The following CEP290 variants were observed in gnomAD, a reference collection of about 807,000 sequenced individuals.
The protein encoded by CEP290 is centrosomal protein of 290 kDa.
CEP290 carries 317 observed loss-of-function variants against 344.9 expected under a neutral mutation model. The ratio of observed to expected loss-of-function variants is 0.92; its 90% CI spans 0.84 to 1.01. The LOEUF is 1.01. Among genes scored for constraint, CEP290 ranks in the 50% least tolerant of loss-of-function variants. The pLI is 0.00. For synonymous variants in CEP290, 932 were observed against 895.8 expected (o/e 1.04, Z -0.72); for missense variants, 2,754 against 2,761.4 (o/e 1.00, Z 0.06).
rs1447876101 is a variant in CEP290 at position 88,090,711 on chromosome 12, G to A, written c.3573+17C>T. On this transcript the variant is annotated intron_variant, in intron 30 of 53. Coordinates refer to ENST00000552810, the MANE Select transcript of CEP290 (RefSeq NM_025114.4). ...AAAAAAGTGGATTCTATGTAGAAGA[G>A]CCAATACTGCACATACCTGATAGTC... 3 of 1,397,496 alleles carry A rather than the reference G, an allele frequency of 2.1e-6. No homozygotes were observed. Among genetic ancestry groups the A allele is most frequent in the South Asian group, 2.5e-5 (2 of 79,504 alleles). The allele number at this position is 1,397,496 out of a possible 1,614,324, so 86.6% of individuals were successfully genotyped here. A position where few individuals can be genotyped will look rare whatever the true frequency, so the allele number is the denominator to read the frequency against.
intron 18 of CEP290, 157 bp from the exon 19 acceptor site, chr12:88,115,339 A>T: frequency 2.9e-6 from 2 of 692,248 alleles, no homozygotes; most frequent in South Asian, 3.8e-5. Flanking sequence ...AATAAACTAA[A>T]ATCTAAACAG....
At chr12:88,060,095 TA>T in intron 47 of CEP290, 75 bp from the exon 48 acceptor site, 1 of 1,229,874 alleles carries the variant, frequency 8.1e-7, no homozygotes, top group Non-Finnish European at 1.1e-6. Context: ...TATAAACTCA[TA>T]AATCTTCAAA....
chr12:88,079,395 ATAAATCTTTTG>A (rs2036025273), intron 38 of CEP290, among the ~76,000 whole-genome samples, 166 bp from the exon 39 acceptor site: 1 of 152,190 alleles, frequency 6.6e-6, no homozygotes, highest in African/African-American at 2.4e-5. Context: ...ACTTTTTCAA[ATAAATCTTTTG>A]TAATTACACT....
At chr12:88,098,681 C>T (rs2037646042) in intron 26 of CEP290, among the ~76,000 whole-genome samples, 1 of 151,664 alleles carries the variant, frequency 6.6e-6, no homozygotes, top group East Asian at 1.9e-4. Context: ...TAGAAAGGAA[C>T]ATTTAGATAG....
At chr12:88,068,171 T>C (rs1033993474) in intron 44 of CEP290, among the ~76,000 whole-genome samples, 1 of 152,138 alleles carries the variant, frequency 6.6e-6, no homozygotes, top group Non-Finnish European at 1.5e-5. Flanking sequence ...GCTAAAAATA[T>C]AGCATAAATA....
chr12:88,054,423 C>A lies in CEP290; in HGVS notation c.6961-10G>T. The A allele has an allele frequency of 6.3e-7, 1 of 1,596,724 alleles. No homozygotes were observed. The highest frequency in any genetic ancestry group is 8.6e-7 in the Non-Finnish European group (1 of 1,167,028). ...GTTTAAGAATCTTAATCTTTGAGGA[C>A]AATGAAAAGTTAGAAGATAAGGTTT... is the stretch of plus-strand genomic sequence containing the variant. On this transcript the variant is annotated splice_polypyrimidine_tract_variant and intron_variant, in intron 50 of 53. Coordinates refer to ENST00000552810, the MANE Select transcript of CEP290 (RefSeq NM_025114.4).
At chr12:88,139,662 A>G (rs2040533814) in intron 3 of CEP290, 98 bp from the exon 4 acceptor site, 2 of 873,342 alleles carry the variant, frequency 2.3e-6, no homozygotes, top group Non-Finnish European at 3.2e-6. Flanking sequence ...CCTTAGTGCC[A>G]GCAATGGCTG....
In CEP290 at chr12:88,111,744, G is replaced by T; in HGVS notation, c.2167C>A (p.Arg723=). Residue 723 remains arginine (R), a synonymous_variant, in exon 21 of 54, where the codon CGG becomes AGG. Transcript: ENST00000552810. ...EELRQELRES[R]KEAINYSQQL... is the part of the protein sequence containing the mutation. ...TGTGAATAATTTATAGCCTCTTTCC[G>T]AGATTCCCTGAGCTCCTGTCTTAAT... 1 of 1,601,348 alleles carries T rather than the reference G, an allele frequency of 6.2e-7. No individual in the cohort carries two copies. Among genetic ancestry groups the T allele is most frequent in the South Asian group, 1.1e-5 (1 of 88,072 alleles).
chr12:88,061,744 G>C (rs1248750864), intron 46 of CEP290, among the ~76,000 whole-genome samples: 1 of 151,366 alleles, frequency 6.6e-6, no homozygotes, highest in East Asian at 1.9e-4. Flanking sequence ...AACAAATGTT[G>C]CTGCCAGCAA....
rs566848568 is a variant in CEP290 at position 88,135,830 on chromosome 12, G to C, written c.441+813C>G. The C allele has an allele frequency of 2.6e-5, 4 of 152,122 alleles. No individual in the cohort carries two copies. In the South Asian group the frequency reaches 6.2e-4, roughly 24 times the overall value. 9.4% of individuals were successfully genotyped at this position (152,122 alleles called of 1,614,324 possible). ...AGGTGGAAAACGTTTCTGAGTATAA[G>C]GGACAGGACAGTTACCACATGTAGG... On this transcript the variant is annotated intron_variant, in intron 6 of 53. Transcript: ENST00000552810.
At chr12:88,133,293 G>A (rs1048620013) in intron 6 of CEP290, among the ~76,000 whole-genome samples, 6 of 151,788 alleles carry the variant, frequency 4.0e-5, no homozygotes, top group African/African-American at 1.2e-4. Flanking sequence ...CACCATACTG[G>A]CCAGGCTGGT....
intron 52 of CEP290, 89 bp downstream of exon 52, chr12:88,053,563 A>G (rs1164041705): frequency 1.2e-5 from 8 of 655,320 alleles, no homozygotes; most frequent in Admixed American, 4.8e-5. Context: ...GGAGACAATG[A>G]TCAGAAATCT....
intron 5 of CEP290, among the ~76,000 whole-genome samples, chr12:88,138,910 C>T (rs2040485529): frequency 6.6e-6 from 1 of 152,134 alleles, no homozygotes; most frequent in South Asian, 2.1e-4. Context: ...GTATATTTCC[C>T]AAGACTATAA....
chr12:88,097,069 C>A, intron 26 of CEP290, 70 bp from the exon 27 acceptor site: 2 of 777,056 alleles, frequency 2.6e-6, no homozygotes, highest in South Asian at 1.7e-5. Flanking sequence ...ATGACATTGT[C>A]TTAACTTTAT....
chr12:88,089,308 A>G lies in CEP290; in HGVS notation c.3753T>C (p.Tyr1251=), dbSNP rs1476665434. 3.7e-6 allele frequency: 6 copies of G among 1,613,884 alleles called. No homozygotes were observed. The highest frequency in any genetic ancestry group is 3.3e-5 in the South Asian group (3 of 91,084). Reference sequence around the variant, plus strand: ...CTCTGTTTCTTCCCTCCAAACGAGCATAATAGAGAGCCTGTTCTTTTTCAT... The same window carrying G: ...CTCTGTTTCTTCCCTCCAAACGAGCGTAATAGAGAGCCTGTTCTTTTTCAT... ...KLDEKEQALY[Y]ARLEGRNRAK... Residue 1251 remains tyrosine (Y), a synonymous_variant, in exon 31 of 54, where the codon TAT becomes TAC. Coordinates refer to ENST00000552810, the MANE Select transcript of CEP290 (RefSeq NM_025114.4).
intron 23 of CEP290, among the ~76,000 whole-genome samples, chr12:88,108,768 A>G (rs1301460566): frequency 6.6e-6 from 1 of 152,210 alleles, no homozygotes; most frequent in African/African-American, 2.4e-5. Flanking sequence ...TTACTTACAA[A>G]GTAACTTACA....
In CEP290 at chr12:88,130,360, T is replaced by C; in HGVS notation, c.577A>G (p.Thr193Ala). ...YQKQIDSQKETLLSRRGEDSD... is the reference protein window; with the variant it reads ...YQKQIDSQKEALLSRRGEDSD... The stretch of plus-strand genomic sequence containing the variant: ...TCTTCCCCTCTTCTTGATAAAAGTG[T>C]TTCTTTCTGTGAATCTATTTGTTTC... Residue 193 changes from threonine to alanine, a missense_variant, in exon 9 of 54, where the codon ACA becomes GCA. Thr to Ala is a moderately conservative substitution (Grantham distance 58, BLOSUM62 0). Transcript: ENST00000552810. The C allele has an allele frequency of 6.2e-7, 1 of 1,610,882 alleles. No individual in the cohort carries two copies. Among genetic ancestry groups the C allele is most frequent in the East Asian group, 2.2e-5 (1 of 44,676 alleles).
At position 88,090,962 on chromosome 12, in the gene CEP290, A is replaced by G. The variant is rs1228929265; in HGVS notation, c.3462-123T>C. The G allele has an allele frequency of 1.9e-5, 11 of 576,888 alleles. No homozygotes were observed. The Admixed American group carries it at 3.3e-4, about 17-fold the overall frequency. 35.7% of individuals were successfully genotyped at this position (576,888 alleles called of 1,614,324 possible). ...TTTTCAGCATCTATCTCTTCTTTGT[A>G]TGAAATATTAAAACAGGATTTCCTA... is the stretch of plus-strand genomic sequence containing the variant. On this transcript the variant is annotated intron_variant, in intron 29 of 53. Coordinates refer to ENST00000552810, the MANE Select transcript of CEP290 (RefSeq NM_025114.4).
chr12:88,121,014 A>T lies in CEP290; in HGVS notation c.1342T>A (p.Leu448Ile). 1.2e-6 allele frequency: 2 copies of T among 1,611,852 alleles called. No homozygotes were observed. The highest frequency in any genetic ancestry group is 1.7e-6 in the Non-Finnish European group (2 of 1,179,412). ...DKELVEALKR[L>I]KDYESGVYGL... Reference sequence around the variant, plus strand: ...ATACATACCGATTCATAATCTTTTAACCTCTTCAGAGCCTCAACTAATTCT... The same window carrying T: ...ATACATACCGATTCATAATCTTTTATCCTCTTCAGAGCCTCAACTAATTCT... The change falls in exon 14 of 54, where the codon TTA (leucine) becomes ATA (isoleucine). Residue 448 changes from leucine (L) to isoleucine (I), a missense_variant. Physicochemically the swap from Leu to Ile is conservative, Grantham distance 5. Transcript: ENST00000552810.
Sources: gnomAD v4.1 joint callset for allele counts (sites outside exome capture counted in the v4.1 genomes callset) on GRCh38, gnomAD v4.1.1 for gene constraint, MANE v1.5 for transcripts, NCBI Gene and HGNC (gene_info 2026-07-23, HGNC 2026-07-21) for gene names.